The following CRPPA variants were observed in gnomAD, a reference collection of about 807,000 sequenced individuals.
The protein encoded by CRPPA is D-ribitol-5-phosphate cytidylyltransferase.
A neutral mutation model predicts 52.0 loss-of-function variants in CRPPA; 43 were observed. That is an observed-to-expected ratio of 0.83 (90% CI 0.65 to 1.07). The LOEUF is 1.07. Among genes scored for constraint, CRPPA ranks in the 50% least tolerant of loss-of-function variants. The probability of loss-of-function intolerance (pLI) is 0.00; values close to 1 mark genes in which losing one functional copy is unlikely to be tolerated. For missense variants in CRPPA, 629 were observed against 551.7 expected (o/e 1.14, Z -1.40); for synonymous variants, 250 against 203.5 (o/e 1.23, Z -1.94).
At chr7:16,402,627 G>A (rs1310986458) in intron 2 of CRPPA, among the ~76,000 whole-genome samples, 2 of 151,816 alleles carry the variant, frequency 1.3e-5, no homozygotes, top group African/African-American at 4.8e-5. Flanking sequence ...ACATGATAAG[G>A]GACAAAATGG....
chr7:16,126,480 A>G (rs1782583824), intron 9 of CRPPA, among the ~76,000 whole-genome samples: 1 of 152,228 alleles, frequency 6.6e-6, no homozygotes, highest in African/African-American at 2.4e-5. Flanking sequence ...TAAAAGGCCA[A>G]TACCATGAAA....
intron 3 of CRPPA, among the ~76,000 whole-genome samples, chr7:16,328,605 C>A (rs1785471568): frequency 6.6e-6 from 1 of 152,134 alleles, no homozygotes; most frequent in Non-Finnish European, 1.5e-5. Flanking sequence ...ACCTCCGCCT[C>A]CCAGGTTCAA....
chr7:16,163,894 C>T (rs151065977), intron 9 of CRPPA, among the ~76,000 whole-genome samples: 2,183 of 152,316 alleles, frequency 0.014, 51 homozygotes, highest in African/African-American at 0.047. Flanking sequence ...TGCTGTTAGT[C>T]TGATGGGCTT....
At chr7:16,156,515 T>C (rs1047971159) in intron 9 of CRPPA, among the ~76,000 whole-genome samples, 5 of 152,216 alleles carry the variant, frequency 3.3e-5, no homozygotes, top group Non-Finnish European at 7.3e-5. Context: ...CTTTGCTCCA[T>C]ACTTCTGCCT....
intron 9 of CRPPA, among the ~76,000 whole-genome samples, chr7:16,121,532 G>A (rs1335945821): frequency 1.3e-5 from 2 of 152,022 alleles, no homozygotes; most frequent in African/African-American, 4.8e-5. Flanking sequence ...AATGATTCCC[G>A]AATTTGCAAT....
At chr7:16,207,459 G>A (rs938019621) in intron 9 of CRPPA, among the ~76,000 whole-genome samples, 6 of 152,110 alleles carry the variant, frequency 3.9e-5, no homozygotes, top group Admixed American at 2.6e-4. Flanking sequence ...AATGGATTCC[G>A]TTAAACACTG....
At chr7:16,149,876 C>T (rs995381637) in intron 9 of CRPPA, among the ~76,000 whole-genome samples, 6 of 151,712 alleles carry the variant, frequency 4.0e-5, no homozygotes, top group Admixed American at 3.3e-4. Flanking sequence ...GTCCCAACTA[C>T]TCGGGAGGCT....
intron 6 of CRPPA, among the ~76,000 whole-genome samples, chr7:16,277,754 T>A (rs1459231847): frequency 6.6e-6 from 1 of 152,176 alleles, no homozygotes; most frequent in East Asian, 1.9e-4. Context: ...TCATGTCTCT[T>A]ATTTCCCCCT....
rs761189549 is a variant in CRPPA, at chr7:16,278,223, C to A, written c.839G>T (p.Arg280Ile). 1.8e-5 allele frequency: 27 copies of A among 1,512,536 alleles called. No individual in the cohort carries two copies. The South Asian group carries it at 2.1e-4, about 12-fold the overall frequency. 93.7% of individuals were successfully genotyped at this position (1,512,536 alleles called of 1,614,324 possible). ...AACTACACAAATCTCTTGGGAAATT[C>A]TCTCTGAAATTAAAAAAAAAAAGTT... ...LYAAESIIKE[R>I]ISQEICVVMD... Residue 280 changes from arginine to isoleucine, a missense_variant, in exon 6 of 10, where the codon AGA becomes ATA. Arg to Ile is a moderately conservative substitution (Grantham distance 97, BLOSUM62 -3). Transcript: ENST00000407010.
At chr7:16,365,241 A>G (rs1562655687) in intron 3 of CRPPA, among the ~76,000 whole-genome samples, 1 of 152,202 alleles carries the variant, frequency 6.6e-6, no homozygotes, top group Non-Finnish European at 1.5e-5. Flanking sequence ...GAGAAATGCT[A>G]ACACAGAGGG....
intron 2 of CRPPA, among the ~76,000 whole-genome samples, chr7:16,382,915 A>T (rs1787150032): frequency 6.6e-6 from 1 of 152,172 alleles, no homozygotes; most frequent in African/African-American, 2.4e-5. Flanking sequence ...CAAAGTTTTT[A>T]ACTTCTTTGC....
At chr7:16,416,893 G>C (rs1457190106) in intron 1 of CRPPA, among the ~76,000 whole-genome samples, 1 of 152,042 alleles carries the variant, frequency 6.6e-6, no homozygotes, top group Non-Finnish European at 1.5e-5. Flanking sequence ...AGAGTAAACA[G>C]TTTTTGCACT....
chr7:16,387,199 T>G (rs1329980265), intron 2 of CRPPA, among the ~76,000 whole-genome samples: 1 of 150,472 alleles, frequency 6.6e-6, no homozygotes, highest in African/African-American at 2.4e-5. Context: ...TAATTGCAGT[T>G]TTTACCATTA....
intron 6 of CRPPA, among the ~76,000 whole-genome samples, chr7:16,270,851 T>A (rs953157632): frequency 6.6e-6 from 1 of 152,166 alleles, no homozygotes; most frequent in South Asian, 2.1e-4. Context: ...CTGCTGTGGC[T>A]TAATTTGCTC....
chr7:16,102,878 A>G (rs1166961535), intron 9 of CRPPA, among the ~76,000 whole-genome samples: 15 of 152,186 alleles, frequency 9.9e-5, no homozygotes, highest in Admixed American at 9.8e-4. Context: ...TAGTTCAACC[A>G]TTGTGGAAGA....
intron 3 of CRPPA, among the ~76,000 whole-genome samples, chr7:16,340,213 C>T (rs532747869): frequency 1.3e-5 from 2 of 152,004 alleles, no homozygotes; most frequent in African/African-American, 2.4e-5. Context: ...TTAGGTAAAA[C>T]CCTAAAGGAA....
chr7:16,297,035 A>T (rs1222771539), intron 5 of CRPPA, among the ~76,000 whole-genome samples: 5 of 152,206 alleles, frequency 3.3e-5, no homozygotes, highest in African/African-American at 9.6e-5. Context: ...TCTTGAATCC[A>T]GCATCTGCTT....
At chr7:16,146,237 T>C (rs1360038167) in intron 9 of CRPPA, among the ~76,000 whole-genome samples, 2 of 151,542 alleles carry the variant, frequency 1.3e-5, no homozygotes, top group African/African-American at 4.8e-5. Context: ...ACCAAAAATA[T>C]TATATGCAGC....
At chr7:16,162,858 C>T (rs1780937161) in intron 9 of CRPPA, among the ~76,000 whole-genome samples, 1 of 151,882 alleles carries the variant, frequency 6.6e-6, no homozygotes, top group African/African-American at 2.4e-5. Context: ...AATCTGGGTG[C>T]TCCTGTATTG....
Sources: allele counts gnomAD v4.1 joint callset (sites outside exome capture counted in the v4.1 genomes callset), GRCh38; gene constraint gnomAD v4.1.1; transcripts MANE v1.5; gene names NCBI Gene and HGNC (gene_info 2026-07-23, HGNC 2026-07-21).